ADAM29: variants seen among roughly 807,000 people sequenced by gnomAD.
ADAM29 encodes disintegrin and metalloproteinase domain-containing protein 29.
For missense variants in ADAM29, 969 were observed against 1,001.8 expected, an observed-to-expected ratio of 0.97 and a Z score of 0.44; for synonymous variants, 367 against 342.3, an observed-to-expected ratio of 1.07 and a Z score of -0.80.
chr4:174,921,828 G>A (rs28475635), intron 2 of ADAM29, among the ~76,000 whole-genome samples: 32,251 of 152,066 alleles, frequency 0.21, 4,684 homozygotes, highest in African/African-American at 0.41. Flanking sequence ...ACACATACAT[G>A]TGTGGTTAAA....
rs1416355613 is a variant in ADAM29, at chr4:174,930,974, T to C, written c.-450-12T>C. 7.7e-6 allele frequency: 1 copy of C among 130,414 alleles called. No homozygotes were observed. The highest frequency in any genetic ancestry group is 2.9e-5 in the African/African-American group (1 of 34,426). The allele number at this position is 130,414 out of a possible 1,614,324, so 8.1% of individuals were successfully genotyped here. ...TTCTTCAGCAGTTCACAGTCTTCAT[T>C]TCTCATTTCAGGTTAGAGTACAAAA... On this transcript the variant is annotated splice_polypyrimidine_tract_variant and intron_variant, in intron 2 of 4. Coordinates refer to ENST00000359240, the MANE Select transcript of ADAM29 (RefSeq NM_014269.4).
chr4:174,962,440 A>T (rs1745887501), intron 4 of ADAM29, among the ~76,000 whole-genome samples: 1 of 151,768 alleles, frequency 6.6e-6, no homozygotes, highest in Non-Finnish European at 1.5e-5. Flanking sequence ...TGAACCCGGG[A>T]AGCAGAGCTT....
At chr4:174,966,647 A>T (rs1050478883) in intron 4 of ADAM29, among the ~76,000 whole-genome samples, 1 of 152,184 alleles carries the variant, frequency 6.6e-6, no homozygotes, top group Admixed American at 6.5e-5. Context: ...TTTCAGAACC[A>T]CTGGGGCAGC....
intron 3 of ADAM29, among the ~76,000 whole-genome samples, chr4:174,933,851 C>A (rs1380355962): frequency 6.6e-6 from 1 of 152,098 alleles, no homozygotes; most frequent in African/African-American, 2.4e-5. Flanking sequence ...TGCACATGTA[C>A]CTCATTTTCT....
At chr4:174,960,105 A>G (rs963003408) in intron 4 of ADAM29, among the ~76,000 whole-genome samples, 3 of 151,992 alleles carry the variant, frequency 2.0e-5, no homozygotes, top group South Asian at 2.1e-4. Flanking sequence ...GTTGTTTATA[A>G]TATTTTCTTA....
chr4:174,967,023 T>C (rs1343629076), intron 4 of ADAM29, among the ~76,000 whole-genome samples: 1 of 152,154 alleles, frequency 6.6e-6, no homozygotes, highest in Non-Finnish European at 1.5e-5. Context: ...GTATAGAAAA[T>C]TTAATTGTGC....
At chr4:174,958,383 C>CT (rs1234441685) in intron 4 of ADAM29, among the ~76,000 whole-genome samples, 1 of 151,630 alleles carries the variant, frequency 6.6e-6, no homozygotes, top group Non-Finnish European at 1.5e-5. Flanking sequence ...GAGAATTGAC[C>CT]TTTTTTATCA....
chr4:174,952,521 A>G (rs1229340871), intron 4 of ADAM29, among the ~76,000 whole-genome samples: 2 of 152,194 alleles, frequency 1.3e-5, no homozygotes, highest in Admixed American at 1.3e-4. Context: ...CAGTTAATAT[A>G]TTTTTTAAAG....
intron 4 of ADAM29, among the ~76,000 whole-genome samples, chr4:174,958,146 T>C (rs1745611372): frequency 6.6e-6 from 1 of 151,800 alleles, no homozygotes; most frequent in Non-Finnish European, 1.5e-5. Context: ...AAATAGAGTG[T>C]TCTATAAACG....
At position 174,975,447 on chromosome 4, in the gene ADAM29, C is replaced by T; in HGVS notation, c.-79C>T. The T allele has an allele frequency of 2.8e-6, 4 of 1,415,894 alleles. No homozygotes were observed. Among genetic ancestry groups the T allele is most frequent in the Non-Finnish European group, 3.7e-6 (4 of 1,067,774 alleles). The allele number at this position is 1,415,894 out of a possible 1,614,324, so 87.7% of individuals were successfully genotyped here. A position where few individuals can be genotyped will look rare whatever the true frequency, so the allele number is the denominator to read the frequency against. On this transcript the variant is annotated 5_prime_UTR_variant, in exon 5 of 5. Transcript: ENST00000359240. ...AGAAGGAGCCACACCACCTGTGACT[C>T]CAGCCCTGACTTCTGCTCTGGACCA...
intron 3 of ADAM29, among the ~76,000 whole-genome samples, chr4:174,933,041 T>C (rs1743992434): frequency 6.6e-6 from 1 of 151,746 alleles, no homozygotes. Context: ...TGGCAGAGAG[T>C]GGAAGTTAAG....
intron 2 of ADAM29, 98 bp from the exon 3 acceptor site, chr4:174,930,888 G>A (rs1292498062): frequency 2.0e-5 from 3 of 151,936 alleles, no homozygotes; most frequent in African/African-American, 7.3e-5. Flanking sequence ...ACTTTTGTGT[G>A]TAGTTATCAA....
intron 3 of ADAM29, among the ~76,000 whole-genome samples, chr4:174,933,860 C>A (rs1437432132): frequency 6.6e-6 from 1 of 152,128 alleles, no homozygotes; most frequent in Non-Finnish European, 1.5e-5. Context: ...ACCTCATTTT[C>A]TTCATCCAGT....
chr4:174,966,802 G>T (rs1165416189), intron 4 of ADAM29, among the ~76,000 whole-genome samples: 1 of 152,054 alleles, frequency 6.6e-6, no homozygotes, highest in African/African-American at 2.4e-5. Flanking sequence ...ATTGCCTTTG[G>T]GATAATTCTT....
At position 174,975,724 on chromosome 4, in the gene ADAM29, A is replaced by C; in HGVS notation, c.199A>C (p.Ile67Leu). Residue 67 changes from isoleucine (I) to leucine (L), a missense_variant, in exon 5 of 5, where the codon ATA becomes CTA. By Grantham distance (5) the Ile-to-Leu change is conservative. Transcript: ENST00000359240. ...PFGGQKHIIH[I>L]KVKKLLFSKH... ...TGGAGGCCAGAAACACATTATCCAC[A>C]TAAAGGTCAAGAAGCTTTTGTTTTC... The C allele has an allele frequency of 6.2e-7, 1 of 1,612,302 alleles. No individual in the cohort carries two copies. Among genetic ancestry groups the C allele is most frequent in the Non-Finnish European group, 8.5e-7 (1 of 1,179,268 alleles).
At chr4:174,945,401 G>T (rs529812497) in intron 4 of ADAM29, among the ~76,000 whole-genome samples, 1 of 152,184 alleles carries the variant, frequency 6.6e-6, no homozygotes, top group African/African-American at 2.4e-5. Context: ...TTAGACCTTT[G>T]TCAGATGCAT....
At chr4:174,929,910 C>T (rs571191045) in intron 2 of ADAM29, among the ~76,000 whole-genome samples, 3 of 151,900 alleles carry the variant, frequency 2.0e-5, no homozygotes, top group Admixed American at 6.6e-5. Context: ...GCGCATGCTA[C>T]GACACCTGGC....
At position 174,976,035 on chromosome 4, in the gene ADAM29, A is replaced by T; in HGVS notation, c.510A>T (p.Glu170Asp). Residue 170 changes from glutamate (E) to aspartate (D), a missense_variant, in exon 5 of 5, where the codon GAA becomes GAT. By Grantham distance (45) the Glu-to-Asp change is conservative. Transcript: ENST00000359240. ...STMRSGFMQN[E>D]ITCRMEFEEI... ...TGAGATCCGGATTTATGCAAAATGA[A>T]ATAACATGCCGAATGGAATTTGAAG... The T allele has an allele frequency of 1.2e-6, 2 of 1,612,480 alleles. No homozygotes were observed. The highest frequency in any genetic ancestry group is 1.7e-6 in the Non-Finnish European group (2 of 1,179,668).
intron 2 of ADAM29, among the ~76,000 whole-genome samples, chr4:174,923,166 C>A (rs1339333604): frequency 6.6e-6 from 1 of 151,996 alleles, no homozygotes; most frequent in Admixed American, 6.6e-5. Context: ...GGTGATTCTC[C>A]TGGCTCAGCC....
Sources: gnomAD v4.1 joint callset for allele counts (sites outside exome capture counted in the v4.1 genomes callset) on GRCh38, gnomAD v4.1.1 for gene constraint, MANE v1.5 for transcripts, NCBI Gene and HGNC (gene_info 2026-07-23, HGNC 2026-07-21) for gene names.